The following PLCH1 variants were observed in gnomAD, a reference collection of about 807,000 sequenced individuals.
PLCH1 encodes the protein phospholipase C eta 1.
A neutral mutation model predicts 126.7 loss-of-function variants in PLCH1; 60 were observed. The observed-to-expected ratio is 0.47, with a 90% confidence interval of 0.38 to 0.59. PLCH1 has a LOEUF of 0.59. Among genes scored for constraint, PLCH1 ranks in the 20% least tolerant of loss-of-function variants. The pLI, the probability that PLCH1 is intolerant of heterozygous loss-of-function variation, is 0.00. For missense variants in PLCH1, 1,723 were observed against 2,040.0 expected (o/e 0.84, Z 2.99); for synonymous variants, 719 against 734.9 (o/e 0.98, Z 0.35).
chr3:155,512,169 TTGCGCTTC>T (rs1719662827), intron 12 of PLCH1, among the ~76,000 whole-genome samples: 1 of 151,934 alleles, frequency 6.6e-6, no homozygotes, highest in Admixed American at 6.5e-5. Flanking sequence ...CCCTGACCCC[TTGCGCTTC>T]CCAGGTGAGG....
intron 1 of PLCH1, among the ~76,000 whole-genome samples, chr3:155,733,582 G>A (rs910700240): frequency 6.6e-6 from 1 of 152,080 alleles, no homozygotes; most frequent in African/African-American, 2.4e-5. Context: ...ATAGATTAAA[G>A]ATTTAAATGT....
intron 10 of PLCH1, among the ~76,000 whole-genome samples, chr3:155,529,797 G>A (rs1722431188): frequency 8.8e-6 from 1 of 113,498 alleles, no homozygotes; most frequent in Non-Finnish European, 2.0e-5. Flanking sequence ...ATGCAGTTTT[G>A]CTCTTGTTGC....
Position 155,741,684 on chromosome 3 carries a change from C to CTTTTTTTT in PLCH1, c.-41+3148_-41+3155dup, listed in dbSNP as rs71624571. Among the ~76,000 whole-genome samples the CTTTTTTTT allele has an allele frequency of 9.5e-3, 978 of 102,706 alleles. 60 individuals carry two copies. The highest frequency in any genetic ancestry group is 0.037 in the African/African-American group (773 of 20,768). 67.4% of individuals were successfully genotyped at this position (102,706 alleles called of 152,430 possible). ...TCCTTTTATCATAATTTTATATCCT[C>CTTTTTTTT]TTTTTTTTTTTTTTTTTTTTGTTCA... On this transcript the variant is annotated intron_variant, in intron 1 of 22. Transcript: ENST00000460012.
At chr3:155,680,948 G>T (rs1744473935) in intron 2 of PLCH1, among the ~76,000 whole-genome samples, 1 of 151,702 alleles carries the variant, frequency 6.6e-6, no homozygotes, top group Admixed American at 6.6e-5. Flanking sequence ...AAAAAAGGAG[G>T]ATACAAACTA....
At chr3:155,537,195 A>AG (rs1560128028) in intron 10 of PLCH1, among the ~76,000 whole-genome samples, 1 of 25,538 alleles carries the variant, frequency 3.9e-5, no homozygotes, top group Non-Finnish European at 1.3e-4. Flanking sequence ...ACAAAAAAAA[A>AG]AAAAACCAAA....
intron 21 of PLCH1, among the ~76,000 whole-genome samples, chr3:155,465,827 C>A (rs766766548): frequency 1.3e-5 from 2 of 152,120 alleles, no homozygotes; most frequent in East Asian, 3.9e-4. Context: ...CTTAAGGGAA[C>A]ATTGGTGGTA....
chr3:155,527,138 A>T (rs1341465641), intron 10 of PLCH1, among the ~76,000 whole-genome samples: 1 of 152,218 alleles, frequency 6.6e-6, no homozygotes, highest in Non-Finnish European at 1.5e-5. Context: ...TGGGGGGCCC[A>T]TATCCCAGTT....
intron 1 of PLCH1, chr3:155,742,178 C>A (rs936143308): frequency 2.0e-5 from 3 of 152,146 alleles, no homozygotes; most frequent in African/African-American, 7.2e-5. Context: ...ATTCATCTTG[C>A]CTTATATATA....
intron 4 of PLCH1, among the ~76,000 whole-genome samples, chr3:155,593,649 C>T (rs925465818): frequency 2.6e-5 from 4 of 152,076 alleles, no homozygotes; most frequent in African/African-American, 9.7e-5. Context: ...GGGCACTTTC[C>T]CTCTCTTAGG....
At chr3:155,681,714 T>C (rs1390351242) in intron 2 of PLCH1, among the ~76,000 whole-genome samples, 1 of 152,202 alleles carries the variant, frequency 6.6e-6, no homozygotes, top group Non-Finnish European at 1.5e-5. Flanking sequence ...ATCACCAATG[T>C]AGCTATGCAA....
At chr3:155,541,053 C>G (rs192909419) in intron 10 of PLCH1, among the ~76,000 whole-genome samples, 15 of 152,262 alleles carry the variant, frequency 9.9e-5, no homozygotes, top group Admixed American at 4.6e-4. Context: ...TGGAATACTA[C>G]TCAGCCATAA....
chr3:155,636,734 G>A (rs1166424479), intron 2 of PLCH1, among the ~76,000 whole-genome samples: 2 of 142,764 alleles, frequency 1.4e-5, no homozygotes, highest in African/African-American at 2.7e-5. Flanking sequence ...CAACAAGAGT[G>A]AAACTCCATC....
At chr3:155,632,122 A>G (rs1467730833) in intron 2 of PLCH1, among the ~76,000 whole-genome samples, 1 of 152,162 alleles carries the variant, frequency 6.6e-6, no homozygotes, top group African/African-American at 2.4e-5. Context: ...TCTGTCAGAC[A>G]CCGGACATGG....
chr3:155,551,444 GAAAAAAAAAAAAAAAAAAAA>G (rs59794505), intron 9 of PLCH1, among the ~76,000 whole-genome samples: 11 of 42,088 alleles, frequency 2.6e-4, no homozygotes, highest in Middle Eastern at 0.04. Context: ...GGCTGCCTCA[GAAAAAAAAAAAAAAAAAAAA>G]AAAAAAAAAA....
In PLCH1 at chr3:155,482,963, G is replaced by A; in HGVS notation, c.3063C>T (p.Ser1021=). The change falls in exon 23 of 23, where the codon TCC becomes TCT. Residue 1021 remains serine (S), a synonymous_variant. Coordinates refer to ENST00000460012, the MANE Select transcript of PLCH1 (RefSeq NM_014996.4). ...LNFNKKLSSS[S]SALLHKDTSQ... ...TGGTATCTTTGTGGAGCAGAGCACTGGAGGAGGATGATAACTTTTTGTTGA... is the reference window on the plus strand; with the variant it reads ...TGGTATCTTTGTGGAGCAGAGCACTAGAGGAGGATGATAACTTTTTGTTGA... 6.2e-7 allele frequency: 1 copy of A among 1,613,854 alleles called. No homozygotes were observed. Among genetic ancestry groups the A allele is most frequent in the Non-Finnish European group, 8.5e-7 (1 of 1,179,722 alleles).
intron 1 of PLCH1, chr3:155,742,056 G>A (rs560380571): frequency 7.2e-5 from 11 of 152,170 alleles, no homozygotes; most frequent in African/African-American, 1.9e-4. Flanking sequence ...CAAATCAATC[G>A]TTCTCCTTAA....
chr3:155,527,315 T>C (rs1224943431), intron 10 of PLCH1, among the ~76,000 whole-genome samples: 3 of 152,228 alleles, frequency 2.0e-5, no homozygotes, highest in Non-Finnish European at 4.4e-5. Flanking sequence ...CAAGCTTCAA[T>C]GACTTTAAGT....
Position 155,591,778 on chromosome 3 carries a change from C to T in PLCH1, c.470+2163G>A, listed in dbSNP as rs148277884. Among the ~76,000 whole-genome samples, 451 of 152,164 alleles carry T rather than the reference C, an allele frequency of 3.0e-3. 3 individuals carry two copies. The highest frequency in any genetic ancestry group is 0.01 in the African/African-American group (421 of 41,502). ...TTTTTGAGACAGGGTCTTGGTAGCT[C>T]ACCGCTGCCTCCAACTCCTGGGCTT... On this transcript the variant is annotated intron_variant, in intron 4 of 22. Coordinates refer to ENST00000460012, the MANE Select transcript of PLCH1 (RefSeq NM_014996.4).
chr3:155,534,904 C>A (rs569843566), intron 10 of PLCH1, among the ~76,000 whole-genome samples: 1 of 152,190 alleles, frequency 6.6e-6, no homozygotes, highest in Non-Finnish European at 1.5e-5. Context: ...TTGTAAGTTT[C>A]ATGAGGCTTC....
Sources: gnomAD v4.1 joint callset for allele counts (sites outside exome capture counted in the v4.1 genomes callset) on GRCh38, gnomAD v4.1.1 for gene constraint, MANE v1.5 for transcripts, NCBI Gene and HGNC (gene_info 2026-07-23, HGNC 2026-07-21) for gene names.